Variants in RASA1 observed in about 807,000 individuals in gnomAD.
RASA1 encodes ras GTPase-activating protein 1.
A neutral mutation model predicts 132.2 loss-of-function variants in RASA1; 25 were observed. The ratio of observed to expected loss-of-function variants is 0.19; its 90% CI spans 0.14 to 0.26. The LOEUF is 0.26. Among genes scored for constraint, RASA1 ranks in the 10% least tolerant of loss-of-function variants. The probability of loss-of-function intolerance (pLI) is 1.00; values close to 1 mark genes in which losing one functional copy is unlikely to be tolerated. For synonymous variants in RASA1, 477 were observed against 449.9 expected, an observed-to-expected ratio of 1.06 and a Z score of -0.76; for missense variants, 964 against 1,299.2, an observed-to-expected ratio of 0.74 and a Z score of 3.97.
intron 1 of RASA1, among the ~76,000 whole-genome samples, chr5:87,270,609 A>AGTG (rs960182263): frequency 7.2e-6 from 1 of 138,118 alleles, no homozygotes; most frequent in Non-Finnish European, 1.5e-5. Context: ...AGCCTCCCAA[A>AGTG]GTGGTGGGAT....
In RASA1 at chr5:87,287,148, GTATA is replaced by G. The variant is rs542236831; in HGVS notation, c.539+18163_539+18166del. On this transcript the variant is annotated intron_variant, in intron 1 of 24. Transcript: ENST00000274376. The stretch of plus-strand genomic sequence containing the variant: ...TACACACCATATATATATACACACC[GTATA>G]TATACACTGTATATATACACACCAT... Among the ~76,000 whole-genome samples, 86 of 95,824 alleles carry G rather than the reference GTATA, an allele frequency of 9.0e-4. 1 individual carries two copies. Among genetic ancestry groups the G allele is most frequent in the African/African-American group, 3.6e-3 (85 of 23,470 alleles). The allele number at this position is 95,824 out of a possible 152,430, so 62.9% of individuals were successfully genotyped here.
At chr5:87,306,714 G>T (rs1755631123) in intron 1 of RASA1, among the ~76,000 whole-genome samples, 1 of 151,922 alleles carries the variant, frequency 6.6e-6, no homozygotes. Flanking sequence ...AATCTTGCTG[G>T]GGTATATAGA....
At chr5:87,291,850 A>C (rs1754922304) in intron 1 of RASA1, among the ~76,000 whole-genome samples, 1 of 152,242 alleles carries the variant, frequency 6.6e-6, no homozygotes, top group Non-Finnish European at 1.5e-5. Flanking sequence ...CAGAACCATG[A>C]GCCAGTTAAA....
intron 1 of RASA1, among the ~76,000 whole-genome samples, chr5:87,271,435 CTG>C (rs1231681389): frequency 7.4e-5 from 7 of 94,384 alleles, no homozygotes; most frequent in African/African-American, 1.7e-4. Flanking sequence ...TTAAAAAAAA[CTG>C]TTTTTAGTAG....
intron 20 of RASA1, among the ~76,000 whole-genome samples, chr5:87,381,459 A>G (rs563193285): frequency 3.0e-4 from 46 of 152,348 alleles, no homozygotes; most frequent in African/African-American, 1.1e-3. Flanking sequence ...TTTAGAATAT[A>G]CACTGTCATG....
At chr5:87,342,300 C>G (rs908891160) in intron 6 of RASA1, among the ~76,000 whole-genome samples, 1 of 151,792 alleles carries the variant, frequency 6.6e-6, no homozygotes, top group Non-Finnish European at 1.5e-5. Context: ...CTGGGACCAC[C>G]GGCGCACAAC....
intron 1 of RASA1, among the ~76,000 whole-genome samples, chr5:87,326,944 G>A (rs191701576): frequency 6.6e-6 from 1 of 152,286 alleles, no homozygotes; most frequent in African/African-American, 2.4e-5. Flanking sequence ...ATAGGTAATT[G>A]AGACTAAGAT....
intron 1 of RASA1, among the ~76,000 whole-genome samples, chr5:87,310,405 T>G (rs1580227730): frequency 6.6e-6 from 1 of 152,212 alleles, no homozygotes; most frequent in East Asian, 1.9e-4. Context: ...ATATGAGAGT[T>G]GAATTAAGAA....
At chr5:87,332,446 C>T in intron 2 of RASA1, 61 bp from the exon 3 acceptor site, 1 of 1,492,218 alleles carries the variant, frequency 6.7e-7, no homozygotes, top group East Asian at 2.3e-5. Context: ...CTTTATAAAA[C>T]TTGATTTTTA....
chr5:87,369,765 T>C, intron 11 of RASA1, 48 bp from the exon 12 acceptor site: 1 of 1,280,738 alleles, frequency 7.8e-7, no homozygotes, highest in Non-Finnish European at 1.1e-6. Context: ...ATAAATATTT[T>C]GCTACTTTTT....
intron 23 of RASA1, 116 bp from the exon 24 acceptor site, chr5:87,389,277 G>A (rs1762290814): frequency 7.3e-7 from 1 of 1,363,736 alleles, no homozygotes; most frequent in Non-Finnish European, 1.0e-6. Context: ...GTTGCAGTGA[G>A]CCGAGATCAT....
At chr5:87,332,692 A>G (rs763626181) in intron 3 of RASA1, 50 bp downstream of exon 3, 59 of 1,532,194 alleles carry the variant, frequency 3.9e-5, no homozygotes, top group Non-Finnish European at 5.0e-5. Context: ...TTTCAGTACA[A>G]TAATGGTTTT....
chr5:87,366,275 A>AT (rs1413137638), intron 11 of RASA1: 1 of 319,136 alleles, frequency 3.1e-6, no homozygotes, highest in Non-Finnish European at 6.6e-6. Flanking sequence ...TTAAGGAAGT[A>AT]TTAAGATGAA....
intron 1 of RASA1, among the ~76,000 whole-genome samples, chr5:87,287,378 C>T (rs555731335): frequency 4.9e-5 from 7 of 143,372 alleles, no homozygotes; most frequent in Non-Finnish European, 1.1e-4. Context: ...ACCATATATA[C>T]ACACACCATA....
intron 1 of RASA1, among the ~76,000 whole-genome samples, chr5:87,270,776 T>G (rs1753797108): frequency 6.6e-6 from 1 of 151,658 alleles, no homozygotes; most frequent in African/African-American, 2.4e-5. Context: ...GGCTACATCT[T>G]TTGATACTTA....
chr5:87,327,898 G>A (rs1757343175), intron 1 of RASA1, among the ~76,000 whole-genome samples: 1 of 151,748 alleles, frequency 6.6e-6, no homozygotes, highest in African/African-American at 2.4e-5. Context: ...CCAGGAGGCG[G>A]AGGTTGCAGT....
intron 1 of RASA1, among the ~76,000 whole-genome samples, chr5:87,303,371 T>C (rs1272732796): frequency 6.6e-6 from 1 of 152,086 alleles, no homozygotes; most frequent in East Asian, 1.9e-4. Context: ...TTCTGTCTTT[T>C]CAGGTTTAAC....
At chr5:87,341,922 C>T (rs1449385562) in intron 6 of RASA1, among the ~76,000 whole-genome samples, 1 of 152,062 alleles carries the variant, frequency 6.6e-6, no homozygotes, top group Non-Finnish European at 1.5e-5. Flanking sequence ...TTTGCTTTTT[C>T]TGTTTTCTAA....
At chr5:87,341,215 C>T (rs961657994) in intron 5 of RASA1, 75 bp from the exon 6 acceptor site, 16 of 884,528 alleles carry the variant, frequency 1.8e-5, no homozygotes, top group Admixed American at 4.2e-5. Flanking sequence ...TTTGCAGATA[C>T]GATTTTCATG....
Sources: allele counts gnomAD v4.1 joint callset (sites outside exome capture counted in the v4.1 genomes callset), GRCh38; gene constraint gnomAD v4.1.1; transcripts MANE v1.5; gene names NCBI Gene and HGNC (gene_info 2026-07-23, HGNC 2026-07-21).